Variants in KLRG1 observed in about 807,000 individuals in gnomAD.
The protein encoded by KLRG1 is killer cell lectin like receptor G1.
A neutral mutation model predicts 21.8 loss-of-function variants in KLRG1; 16 were observed. That is an observed-to-expected ratio of 0.73 (90% CI 0.50 to 1.11). KLRG1 has a LOEUF of 1.11. Ranked by LOEUF, KLRG1 falls within the 50% of genes most tolerant of loss-of-function variation. KLRG1 has a pLI of 0.00. For missense variants in KLRG1, 173 were observed against 218.3 expected, an observed-to-expected ratio of 0.79 and a Z score of 1.31; for synonymous variants, 69 against 75.9, an observed-to-expected ratio of 0.91 and a Z score of 0.47.
the KLRG1 span, among the ~76,000 whole-genome samples, chr12:9,019,983 C>A: frequency 6.6e-6 from 1 of 152,268 alleles, no homozygotes; most frequent in South Asian, 2.1e-4. Context: ...CTTTTCAACT[C>A]TTTCCAAGCT....
the KLRG1 span, among the ~76,000 whole-genome samples, chr12:9,182,832 G>A: frequency 4.6e-5 from 7 of 152,180 alleles, no homozygotes; most frequent in South Asian, 1.0e-3. Flanking sequence ...AAAACCACGA[G>A]AGACTTAATG....
At chr12:9,005,250 G>A (rs1592279973) in intron 3 of KLRG1, among the ~76,000 whole-genome samples, 1 of 152,250 alleles carries the variant, frequency 6.6e-6, no homozygotes, top group South Asian at 2.1e-4. Flanking sequence ...AATACCTAAT[G>A]TAGGTGACTA....
At chr12:9,200,703 C>T in the KLRG1 span, among the ~76,000 whole-genome samples, 7 of 152,274 alleles carry the variant, frequency 4.6e-5, no homozygotes, top group South Asian at 4.1e-4. Flanking sequence ...CTTGGCAAAG[C>T]GTAATTTGCT....
the KLRG1 span, chr12:9,128,169 C>T: frequency 5.0e-6 from 1 of 198,766 alleles, no homozygotes; most frequent in Non-Finnish European, 1.1e-5. Context: ...ATCAGTGCTG[C>T]GGGTGGCCAG....
intron 3 of KLRG1, among the ~76,000 whole-genome samples, chr12:9,007,980 A>T (rs1428430108): frequency 1.3e-5 from 2 of 152,182 alleles, no homozygotes; most frequent in Non-Finnish European, 2.9e-5. Flanking sequence ...TTCTCTTTGG[A>T]TATAAACTTC....
At chr12:9,116,558 A>G in the KLRG1 span, among the ~76,000 whole-genome samples, 19 of 152,260 alleles carry the variant, frequency 1.2e-4, no homozygotes, top group Admixed American at 2.0e-4. Context: ...TGTGCCTAAC[A>G]AACTTCCCAA....
At chr12:9,115,795 G>A in the KLRG1 span, 1 of 1,613,532 alleles carries the variant, frequency 6.2e-7, no homozygotes, top group Non-Finnish European at 8.5e-7. Context: ...TCTGTGGGCA[G>A]GAGGACCAAG....
At chr12:9,168,599 A>G in the KLRG1 span, 1 of 324,462 alleles carries the variant, frequency 3.1e-6, no homozygotes, top group Admixed American at 4.8e-5. Flanking sequence ...CTTTCTTTCC[A>G]TTGTCAGCAT....
chr12:9,093,304 G>A, the KLRG1 span, among the ~76,000 whole-genome samples: 2 of 152,098 alleles, frequency 1.3e-5, no homozygotes, highest in Admixed American at 6.6e-5. Flanking sequence ...TTGCTTGACT[G>A]TAGTAATCAT....
At chr12:8,979,070 A>C (rs1283136195) in intron 1 of KLRG1, among the ~76,000 whole-genome samples, 1 of 143,576 alleles carries the variant, frequency 7.0e-6, no homozygotes, top group African/African-American at 2.6e-5. Context: ...ACTGGAGTGC[A>C]ATGGTGCAAT....
chr12:9,014,957 A>G (rs1460503205), downstream of KLRG1, among the ~76,000 whole-genome samples: 3 of 152,190 alleles, frequency 2.0e-5, no homozygotes, highest in Non-Finnish European at 2.9e-5. Flanking sequence ...ATAATGGGTT[A>G]TAAGATATTA....
the KLRG1 span, among the ~76,000 whole-genome samples, chr12:9,178,428 C>G: frequency 2.6e-5 from 4 of 152,056 alleles, no homozygotes; most frequent in Non-Finnish European, 4.4e-5. Context: ...CATCATGGCC[C>G]CAATGCACCA....
the KLRG1 span, among the ~76,000 whole-genome samples, chr12:9,031,954 T>C: frequency 6.6e-6 from 1 of 152,180 alleles, no homozygotes; most frequent in African/African-American, 2.4e-5. Flanking sequence ...AGTCAAAGTG[T>C]TGGCAGGGAT....
downstream of KLRG1, among the ~76,000 whole-genome samples, chr12:9,014,282 A>G (rs1054996231): frequency 6.6e-6 from 1 of 152,202 alleles, no homozygotes; most frequent in South Asian, 2.1e-4. Flanking sequence ...CACCAAGTAG[A>G]CTTAACTCAA....
the KLRG1 span, among the ~76,000 whole-genome samples, chr12:9,120,846 C>T: frequency 1.1e-5 from 1 of 87,364 alleles, no homozygotes; most frequent in African/African-American, 4.0e-5. Flanking sequence ...TGTGCTATCC[C>T]ACTAACGTGT....
chr12:9,108,099 GTTTAT>G, the KLRG1 span, among the ~76,000 whole-genome samples: 7,340 of 148,280 alleles, frequency 0.05, 294 homozygotes, highest in East Asian at 0.19. Context: ...AGTTTCACTT[GTTTAT>G]TTTATTTTAT....
chr12:9,058,573 A>G, the KLRG1 span: 4 of 152,202 alleles, frequency 2.6e-5, no homozygotes, highest in African/African-American at 9.7e-5. Context: ...TTTAATATAA[A>G]CAAATCCATA....
At chr12:9,162,697 C>A in the KLRG1 span, 1 of 1,388,098 alleles carries the variant, frequency 7.2e-7, no homozygotes, top group Non-Finnish European at 1.0e-6. Flanking sequence ...ATCCTGGTGA[C>A]AAGAGAACCA....
chr12:9,160,095 A>T, the KLRG1 span: 1 of 1,417,922 alleles, frequency 7.1e-7, no homozygotes, highest in African/African-American at 1.4e-5. Flanking sequence ...GTTTAGGCTC[A>T]TGCATCCAGG....
Sources: allele counts gnomAD v4.1 joint callset (sites outside exome capture counted in the v4.1 genomes callset), GRCh38; gene constraint gnomAD v4.1.1; transcripts MANE v1.5; gene names NCBI Gene and HGNC (gene_info 2026-07-23, HGNC 2026-07-21).